The following ROPN1B variants were observed in gnomAD, a reference collection of about 807,000 sequenced individuals.
The protein encoded by ROPN1B is rhophilin associated tail protein 1B.
A neutral mutation model predicts 23.7 loss-of-function variants in ROPN1B; 13 were observed. The ratio of observed to expected loss-of-function variants is 0.55; its 90% CI spans 0.36 to 0.87. ROPN1B has a LOEUF of 0.87. ROPN1B is among the 40% of genes least tolerant of loss of function. The pLI is 0.01. For synonymous variants in ROPN1B, 67 were observed against 100.4 expected, an observed-to-expected ratio of 0.67 and a Z score of 1.99; for missense variants, 183 against 249.2, an observed-to-expected ratio of 0.73 and a Z score of 1.79.
intron 5 of ROPN1B, chr3:125,977,832 G>T (rs1403651398): frequency 6.6e-6 from 1 of 152,302 alleles, no homozygotes; most frequent in African/African-American, 2.4e-5. Flanking sequence ...GTTAAACATT[G>T]TTAAAATAAA....
chr3:125,975,166 T>G (rs1938359330), intron 3 of ROPN1B, among the ~76,000 whole-genome samples: 1 of 152,162 alleles, frequency 6.6e-6, no homozygotes, highest in South Asian at 2.1e-4. Context: ...CTTACGTACA[T>G]TACTTTTTAG....
chr3:125,973,873 G>C (rs1938303727), intron 3 of ROPN1B: 1 of 153,706 alleles, frequency 6.5e-6, no homozygotes, highest in East Asian at 1.9e-4. Flanking sequence ...TTAATCCATT[G>C]CAAGTAAGAA....
intron 5 of ROPN1B, among the ~76,000 whole-genome samples, chr3:125,978,581 TC>T (rs1022779989): frequency 2.0e-4 from 30 of 152,248 alleles, no homozygotes; most frequent in Admixed American, 6.5e-4. Context: ...GTTTCTCACA[TC>T]CCTCAGTCTT....
Sources: allele counts gnomAD v4.1 joint callset (sites outside exome capture counted in the v4.1 genomes callset), GRCh38; gene constraint gnomAD v4.1.1; transcripts MANE v1.5; gene names NCBI Gene and HGNC (gene_info 2026-07-23, HGNC 2026-07-21).